LRBA: variants seen among roughly 807,000 people sequenced by gnomAD.
LRBA encodes lipopolysaccharide-responsive and beige-like anchor protein.
A neutral mutation model predicts 330.0 loss-of-function variants in LRBA; 176 were observed. The observed-to-expected ratio is 0.53, with a 90% CI of 0.47 to 0.60. The LOEUF is 0.60. LRBA is among the 20% of genes least tolerant of loss of function. The pLI, the probability that LRBA is intolerant of heterozygous loss-of-function variation, is 0.00. For missense variants in LRBA, 3,259 were observed against 3,444.8 expected (o/e 0.95, Z 1.35); for synonymous variants, 1,230 against 1,193.0 (o/e 1.03, Z -0.64).
At chr4:150,340,392 T>C (rs927550650) in intron 48 of LRBA, among the ~76,000 whole-genome samples, 2 of 152,224 alleles carry the variant, frequency 1.3e-5, no homozygotes, top group African/African-American at 4.8e-5. Flanking sequence ...TATGACAGTA[T>C]CTGTTTTCTC....
chr4:150,541,571 A>AT (rs56664244), intron 40 of LRBA, among the ~76,000 whole-genome samples: 12,166 of 152,254 alleles, frequency 0.08, 847 homozygotes, highest in East Asian at 0.18. Flanking sequence ...AGAATAAATG[A>AT]TTTTTTAAAA....
intron 37 of LRBA, among the ~76,000 whole-genome samples, chr4:150,615,437 C>T (rs1775681413): frequency 6.6e-6 from 1 of 151,980 alleles, no homozygotes; most frequent in Non-Finnish European, 1.5e-5. Context: ...GAGACGATGT[C>T]TGGGAACAAA....
At chr4:150,508,586 C>A (rs1030989676) in intron 40 of LRBA, among the ~76,000 whole-genome samples, 4 of 152,166 alleles carry the variant, frequency 2.6e-5, no homozygotes, top group African/African-American at 9.7e-5. Context: ...CCACGTCCAG[C>A]CCCAAGTAGA....
Position 150,786,772 on chromosome 4 carries a change from C to T in LRBA, c.5580+11309G>A, listed in dbSNP as rs368597430. 1.1e-4 allele frequency among the ~76,000 whole-genome samples: 16 copies of T among 152,278 alleles called. No individual in the cohort carries two copies. The East Asian group carries it at 2.1e-3, about 20-fold the overall frequency. On this transcript the variant is annotated intron_variant, in intron 34 of 56. Coordinates refer to ENST00000651943, the MANE Select transcript of LRBA (RefSeq NM_001364905.1). ...GCTGATCTGAGTACTAATAAAACTCCACAGTCTTCTATTTAGCCAGCTGTA... is the reference window on the plus strand; with the variant it reads ...GCTGATCTGAGTACTAATAAAACTCTACAGTCTTCTATTTAGCCAGCTGTA...
chr4:150,614,738 A>G (rs1238614693), intron 37 of LRBA, among the ~76,000 whole-genome samples: 7 of 152,216 alleles, frequency 4.6e-5, no homozygotes, highest in Non-Finnish European at 1.0e-4. Context: ...AATAGGTGAT[A>G]TATCACCTCA....
chr4:150,999,265 AG>A (rs1048249656), intron 2 of LRBA, among the ~76,000 whole-genome samples: 16 of 152,162 alleles, frequency 1.1e-4, no homozygotes, highest in Non-Finnish European at 2.9e-5. Context: ...ACAAAAAAAA[AG>A]TATTCACTCA....
intron 19 of LRBA, among the ~76,000 whole-genome samples, chr4:150,870,881 CA>C (rs1308669409): frequency 6.6e-6 from 1 of 152,116 alleles, no homozygotes; most frequent in Admixed American, 6.5e-5. Context: ...TAGAAATTCA[CA>C]GATTAATTAT....
At chr4:150,539,009 C>G (rs900942489) in intron 40 of LRBA, among the ~76,000 whole-genome samples, 1 of 151,334 alleles carries the variant, frequency 6.6e-6, no homozygotes, top group Non-Finnish European at 1.5e-5. Flanking sequence ...GAGTCTCATT[C>G]TTGTCACCCA....
intron 48 of LRBA, among the ~76,000 whole-genome samples, chr4:150,340,056 G>A (rs1475348875): frequency 6.6e-6 from 1 of 151,966 alleles, no homozygotes; most frequent in Non-Finnish European, 1.5e-5. Flanking sequence ...CCTTCGCTCA[G>A]CTCTCATTCT....
chr4:150,835,331 A>G (rs1747867612), intron 28 of LRBA, among the ~76,000 whole-genome samples: 2 of 152,196 alleles, frequency 1.3e-5, no homozygotes, highest in Non-Finnish European at 2.9e-5. Flanking sequence ...GTTTTATCCA[A>G]TTCTGTGAAG....
chr4:150,836,064 A>C (rs888518846), intron 28 of LRBA, among the ~76,000 whole-genome samples: 15 of 152,190 alleles, frequency 9.9e-5, no homozygotes, highest in African/African-American at 3.6e-4. Context: ...ACAATCACGT[A>C]GTTTTTGTCG....
At chr4:150,893,331 T>C (rs1387837944) in intron 16 of LRBA, among the ~76,000 whole-genome samples, 182 bp from the exon 17 acceptor site, 1 of 152,212 alleles carries the variant, frequency 6.6e-6, no homozygotes, top group Non-Finnish European at 1.5e-5. Context: ...ACTCCAAATA[T>C]ACATAAAATA....
At chr4:150,304,709 T>C (rs1489546001) in intron 52 of LRBA, among the ~76,000 whole-genome samples, 1 of 152,134 alleles carries the variant, frequency 6.6e-6, no homozygotes, top group Non-Finnish European at 1.5e-5. Context: ...ATGTGAAATA[T>C]ATAATAATTT....
intron 40 of LRBA, among the ~76,000 whole-genome samples, chr4:150,538,405 G>A (rs1764915846): frequency 6.6e-6 from 1 of 152,132 alleles, no homozygotes; most frequent in African/African-American, 2.4e-5. Context: ...AGCAACAGTG[G>A]GGTTGATAAA....
At chr4:150,788,687 G>T (rs1248233244) in intron 34 of LRBA, among the ~76,000 whole-genome samples, 1 of 151,806 alleles carries the variant, frequency 6.6e-6, no homozygotes, top group African/African-American at 2.4e-5. Context: ...CTTGAACCTG[G>T]GAGGCAGAGG....
chr4:150,345,890 T>G (rs1410462323), intron 48 of LRBA, among the ~76,000 whole-genome samples: 1 of 152,002 alleles, frequency 6.6e-6, no homozygotes, highest in Non-Finnish European at 1.5e-5. Flanking sequence ...ACTGCAGCCT[T>G]GACCTCCTGG....
intron 34 of LRBA, among the ~76,000 whole-genome samples, chr4:150,794,897 A>G (rs1412124256): frequency 2.0e-5 from 3 of 152,136 alleles, no homozygotes; most frequent in Non-Finnish European, 2.9e-5. Context: ...GAATGCAGCT[A>G]CCACAAGATT....
chr4:150,870,971 T>A (rs1252044116), intron 19 of LRBA, among the ~76,000 whole-genome samples: 2 of 152,150 alleles, frequency 1.3e-5, no homozygotes, highest in East Asian at 1.9e-4. Flanking sequence ...CTGGTCAGCA[T>A]GGTGGCTCAT....
chr4:150,266,409 G>A (rs1394288893), intron 56 of LRBA, among the ~76,000 whole-genome samples: 1 of 152,200 alleles, frequency 6.6e-6, no homozygotes, highest in Non-Finnish European at 1.5e-5. Context: ...CGAAATCACT[G>A]AAGATAAGAA....
Sources: gnomAD v4.1 joint callset for allele counts (sites outside exome capture counted in the v4.1 genomes callset) on GRCh38, gnomAD v4.1.1 for gene constraint, MANE v1.5 for transcripts, NCBI Gene and HGNC (gene_info 2026-07-23, HGNC 2026-07-21) for gene names.